EPB41L2: variants seen among roughly 807,000 people sequenced by gnomAD.
The protein encoded by EPB41L2 is band 4.1-like protein 2.
Under a neutral mutation model 113.0 loss-of-function variants are expected in EPB41L2, and 43 were observed. That is an observed-to-expected ratio of 0.38 (90% CI 0.30 to 0.49). EPB41L2 has a LOEUF of 0.49. EPB41L2 is among the 20% of genes least tolerant of loss of function. The pLI is 0.95. For missense variants in EPB41L2, 1,147 were observed against 1,223.4 expected (o/e 0.94, Z 0.93); for synonymous variants, 442 against 436.7 (o/e 1.01, Z -0.15).
At chr6:131,032,374 C>T (rs1038565621) in intron 1 of EPB41L2, among the ~76,000 whole-genome samples, 1 of 152,056 alleles carries the variant, frequency 6.6e-6, no homozygotes, top group African/African-American at 2.4e-5. Flanking sequence ...ACAAGTGCTA[C>T]ATAAACCTTC....
At chr6:130,986,468 T>C (rs187460984) in intron 1 of EPB41L2, among the ~76,000 whole-genome samples, 9 of 152,132 alleles carry the variant, frequency 5.9e-5, no homozygotes, top group Admixed American at 5.2e-4. Flanking sequence ...GGCAAGGATT[T>C]GGAGAATTTG....
Position 130,880,142 on chromosome 6 carries a change from A to G in EPB41L2, c.1896+2T>C. ...AGAGTTGTTTTCTTAGATTATACAA[A>G]CCTCCAACATTAAATTGCTATGTCT... On this transcript the variant is annotated splice_donor_variant, in intron 13 of 19. Transcript: ENST00000337057. LOFTEE classifies it high-confidence loss of function. The G allele has an allele frequency of 6.2e-7, 1 of 1,603,140 alleles. No individual in the cohort carries two copies. Among genetic ancestry groups the G allele is most frequent in the Non-Finnish European group, 8.5e-7 (1 of 1,170,296 alleles).
intron 4 of EPB41L2, among the ~76,000 whole-genome samples, chr6:130,925,973 T>G (rs570341675): frequency 6.6e-6 from 1 of 152,344 alleles, no homozygotes; most frequent in South Asian, 2.1e-4. Context: ...TATATTTCAT[T>G]AGTAGGACAT....
At position 130,845,504 on chromosome 6, in the gene EPB41L2, A is replaced by C. The variant is rs1449453166; in HGVS notation, c.*6-4906T>G. Among the ~76,000 whole-genome samples, 3 of 152,098 alleles carry C rather than the reference A, an allele frequency of 2.0e-5. No homozygotes were observed. In the East Asian group the frequency reaches 5.8e-4, roughly 29 times the overall value. ...GGGATCCTCCTGCCTCAGCCTCCCAAGTAGCTAGGACTACAGGCACATACC... is the reference window on the plus strand; with the variant it reads ...GGGATCCTCCTGCCTCAGCCTCCCACGTAGCTAGGACTACAGGCACATACC... On this transcript the variant is annotated intron_variant, in intron 19 of 19. Coordinates refer to ENST00000337057, the MANE Select transcript of EPB41L2 (RefSeq NM_001431.4).
At chr6:130,859,458 C>A (rs1781324546) in intron 18 of EPB41L2, among the ~76,000 whole-genome samples, 1 of 150,938 alleles carries the variant, frequency 6.6e-6, no homozygotes. Flanking sequence ...CTGCAGTGAG[C>A]CAAGACTGCA....
rs764314942 is a variant in EPB41L2 at position 130,880,175 on chromosome 6, A to T, written c.1865T>A (p.Ile622Asn). ...CATTAAATTGCTATGTCTGACATAA[A>T]TATTATCCCCTTCTACTCTCAAGGA... is the stretch of plus-strand genomic sequence containing the variant. Reference protein sequence around the residue: ...KNSLRVEGDNIYVRHSNLMLE... With the variant: ...KNSLRVEGDNNYVRHSNLMLE... Residue 622 changes from isoleucine (I) to asparagine (N), a missense_variant, in exon 13 of 20, where the codon ATT becomes AAT. Physicochemically the swap from Ile to Asn is moderately radical, Grantham distance 149. Coordinates refer to ENST00000337057, the MANE Select transcript of EPB41L2 (RefSeq NM_001431.4). The T allele has an allele frequency of 6.2e-7, 1 of 1,610,370 alleles. No individual in the cohort carries two copies. Among genetic ancestry groups the T allele is most frequent in the Non-Finnish European group, 8.5e-7 (1 of 1,176,650 alleles).
chr6:130,932,315 G>T, intron 3 of EPB41L2, among the ~76,000 whole-genome samples: 1 of 70,968 alleles, frequency 1.4e-5, no homozygotes. Context: ...CATTAACATT[G>T]CTTTTAAAAA....
chr6:130,846,033 TG>T (rs1776948728), intron 19 of EPB41L2, among the ~76,000 whole-genome samples: 1 of 152,346 alleles, frequency 6.6e-6, no homozygotes, highest in African/African-American at 2.4e-5. Context: ...AAGTTGAGCC[TG>T]TCGCCTCAAG....
chr6:130,972,193 G>A (rs1030993383), intron 1 of EPB41L2, among the ~76,000 whole-genome samples: 3 of 152,004 alleles, frequency 2.0e-5, no homozygotes, highest in South Asian at 2.1e-4. Context: ...GTGTCGTAGC[G>A]CATGCCTGTG....
Position 130,870,132 on chromosome 6 carries a change from C to G in EPB41L2, c.2044-6G>C, listed in dbSNP as rs771080304. On this transcript the variant is annotated splice_polypyrimidine_tract_variant and splice_region_variant and intron_variant, in intron 14 of 19. Coordinates refer to ENST00000337057, the MANE Select transcript of EPB41L2 (RefSeq NM_001431.4). Reference sequence around the variant, plus strand: ...TTCAGAGTCTCATGTGAACTCTGTACAAAAAAAGATGGATGAGGGAAAACA... The same window carrying G: ...TTCAGAGTCTCATGTGAACTCTGTAGAAAAAAAGATGGATGAGGGAAAACA... The G allele has an allele frequency of 6.3e-7, 1 of 1,582,566 alleles. No individual in the cohort carries two copies. The highest frequency in any genetic ancestry group is 2.2e-5 in the East Asian group (1 of 44,490).
At chr6:131,057,935 G>C (rs763735638) in intron 1 of EPB41L2, among the ~76,000 whole-genome samples, 2 of 152,202 alleles carry the variant, frequency 1.3e-5, no homozygotes, top group African/African-American at 4.8e-5. Flanking sequence ...TCCCCATGAT[G>C]CCGAACTTAG....
At chr6:131,007,850 A>G (rs770735227) in intron 1 of EPB41L2, among the ~76,000 whole-genome samples, 1 of 152,210 alleles carries the variant, frequency 6.6e-6, no homozygotes, top group Non-Finnish European at 1.5e-5. Context: ...TCAAGATGTG[A>G]CCTGGATTAT....
rs977295511 is a variant in EPB41L2 at position 130,901,456 on chromosome 6, A to G, written c.930-276T>C. Among the ~76,000 whole-genome samples the G allele has an allele frequency of 7.9e-5, 12 of 152,226 alleles. No homozygotes were observed. The East Asian group carries it at 1.9e-3, about 24-fold the overall frequency. ...TTTTATAACTGAAGTAAAAATTTCA[A>G]TCACTTAAACTGTCTCCTTGGATTT... On this transcript the variant is annotated intron_variant, in intron 6 of 19. Transcript: ENST00000337057.
intron 4 of EPB41L2, among the ~76,000 whole-genome samples, chr6:130,918,024 C>T (rs1250718877): frequency 6.6e-6 from 1 of 152,114 alleles, no homozygotes; most frequent in Admixed American, 6.5e-5. Flanking sequence ...TTTAATATAC[C>T]TTTGCCTAAA....
intron 12 of EPB41L2, 160 bp from the exon 13 acceptor site, chr6:130,880,366 A>G: frequency 1.6e-6 from 1 of 623,168 alleles, no homozygotes; most frequent in South Asian, 1.9e-5. Context: ...ACAACTCACA[A>G]ATAAACCCTG....
chr6:130,880,819 C>G (rs3777439), intron 12 of EPB41L2: 3,492 of 282,076 alleles, frequency 0.012, 82 homozygotes, highest in African/African-American at 0.051. Flanking sequence ...TCAATCTGTT[C>G]TAATTTGAAA....
At chr6:130,913,656 A>G (rs1800101774) in intron 4 of EPB41L2, among the ~76,000 whole-genome samples, 1 of 152,126 alleles carries the variant, frequency 6.6e-6, no homozygotes, top group African/African-American at 2.4e-5. Flanking sequence ...ACTTGAATAC[A>G]TATCTCTAAT....
rs563936193 is a variant in EPB41L2 at position 131,042,817 on chromosome 6, T to C, written c.-15+20338A>G. Among the ~76,000 whole-genome samples, 6 of 152,334 alleles carry C rather than the reference T, an allele frequency of 3.9e-5. No homozygotes were observed. The South Asian group carries it at 1.0e-3, about 26-fold the overall frequency. ...AACGGAAAACCTGGTTTGTGGTACA[T>C]GGAAATTACTAAGACAGCTGCTTTC... is the stretch of plus-strand genomic sequence containing the variant. On this transcript the variant is annotated intron_variant, in intron 1 of 19. Transcript: ENST00000337057.
At chr6:130,851,397 G>A (rs976899887) in intron 19 of EPB41L2, among the ~76,000 whole-genome samples, 64 of 152,174 alleles carry the variant, frequency 4.2e-4, no homozygotes, top group Non-Finnish European at 4.1e-4. Flanking sequence ...ATTGGCATTC[G>A]TGTACCCACA....
Sources: gnomAD v4.1 joint callset for allele counts (sites outside exome capture counted in the v4.1 genomes callset) on GRCh38, gnomAD v4.1.1 for gene constraint, MANE v1.5 for transcripts, NCBI Gene and HGNC (gene_info 2026-07-23, HGNC 2026-07-21) for gene names.